SLC26A7: variants seen among roughly 807,000 people sequenced by gnomAD.
SLC26A7 encodes solute carrier family 26 member 7, also known as anion exchange transporter.
A neutral mutation model predicts 82.5 loss-of-function variants in SLC26A7; 59 were observed. The ratio of observed to expected loss-of-function variants is 0.72; its 90% confidence interval spans 0.58 to 0.89. The LOEUF (loss-of-function observed/expected upper bound fraction) is 0.89. Ranked by LOEUF, SLC26A7 falls within the 40% of genes least tolerant of loss-of-function variation. SLC26A7 has a pLI of 0.00. For synonymous variants in SLC26A7, 271 were observed against 274.3 expected, an observed-to-expected ratio of 0.99 and a Z score of 0.12; for missense variants, 820 against 793.0, an observed-to-expected ratio of 1.03 and a Z score of -0.41.
At chr8:91,277,056 T>G (rs536525685) in intron 2 of SLC26A7, among the ~76,000 whole-genome samples, 1 of 152,332 alleles carries the variant, frequency 6.6e-6, no homozygotes, top group African/African-American at 2.4e-5. Context: ...CTCTTTTCCC[T>G]TGCTTTCCTT....
chr8:91,274,756 T>C (rs1811362832), intron 2 of SLC26A7, among the ~76,000 whole-genome samples: 1 of 152,222 alleles, frequency 6.6e-6, no homozygotes, highest in African/African-American at 2.4e-5. Context: ...GAATTAAGCA[T>C]ACAAAGTGCT....
chr8:91,210,810 G>A (rs1192782021), intron 1 of SLC26A7, among the ~76,000 whole-genome samples: 1 of 149,080 alleles, frequency 6.7e-6, no homozygotes, highest in Non-Finnish European at 1.5e-5. Flanking sequence ...CATTAGCTAG[G>A]ATCTACACCC....
At chr8:91,272,767 G>T (rs1468243826) in intron 2 of SLC26A7, among the ~76,000 whole-genome samples, 3 of 152,208 alleles carry the variant, frequency 2.0e-5, no homozygotes, top group African/African-American at 4.8e-5. Flanking sequence ...AGAAGGCGAT[G>T]GAGAGCCATT....
At position 91,363,457 on chromosome 8, in the gene SLC26A7, C is replaced by G. The variant is rs374216208; in HGVS notation, c.1422-15C>G. On this transcript the variant is annotated splice_polypyrimidine_tract_variant and intron_variant, in intron 12 of 18. Transcript: ENST00000276609. Reference sequence around the variant, plus strand: ...GGAAATGACTTGTTTTATTTTCTATCTGCTTTAATTTCAGAGCAATGACTG... The same window carrying G: ...GGAAATGACTTGTTTTATTTTCTATGTGCTTTAATTTCAGAGCAATGACTG... 1 of 1,440,606 alleles carries G rather than the reference C, an allele frequency of 6.9e-7. No individual in the cohort carries two copies. Among genetic ancestry groups the G allele is most frequent in the Non-Finnish European group, 9.5e-7 (1 of 1,048,812 alleles). 89.2% of individuals were successfully genotyped at this position (1,440,606 alleles called of 1,614,324 possible).
At chr8:91,324,847 A>T (rs1812891785) in intron 5 of SLC26A7, among the ~76,000 whole-genome samples, 1 of 152,146 alleles carries the variant, frequency 6.6e-6, no homozygotes, top group Non-Finnish European at 1.5e-5. Context: ...TTTTGAATGG[A>T]GGCTAGAAAG....
intron 2 of SLC26A7, among the ~76,000 whole-genome samples, chr8:91,221,415 A>G (rs1490139599): frequency 3.3e-5 from 5 of 152,198 alleles, no homozygotes. Context: ...TTGTTGCAGT[A>G]GCTTATGTCA....
At chr8:91,322,799 C>T (rs530790445) in intron 5 of SLC26A7, among the ~76,000 whole-genome samples, 48 of 152,202 alleles carry the variant, frequency 3.2e-4, no homozygotes, top group African/African-American at 1.1e-3. Context: ...ATTCAGCCAT[C>T]CTTCTTGGAA....
chr8:91,328,594 T>C (rs1398588399), intron 5 of SLC26A7, among the ~76,000 whole-genome samples: 1 of 152,130 alleles, frequency 6.6e-6, no homozygotes, highest in Non-Finnish European at 1.5e-5. Flanking sequence ...ATTGTTACTA[T>C]TACTATGCTA....
At chr8:91,373,428 G>A (rs115875725) in intron 15 of SLC26A7, among the ~76,000 whole-genome samples, 2,206 of 151,794 alleles carry the variant, frequency 0.015, 47 homozygotes, top group African/African-American at 0.05. Context: ...GGTTTGTGTC[G>A]TGAAGGGATG....
intron 2 of SLC26A7, among the ~76,000 whole-genome samples, chr8:91,241,836 G>T (rs1352262302): frequency 6.6e-6 from 1 of 152,108 alleles, no homozygotes; most frequent in Non-Finnish European, 1.5e-5. Context: ...CTATAAAAAT[G>T]ATTTTCACAT....
intron 15 of SLC26A7, among the ~76,000 whole-genome samples, chr8:91,370,717 T>G (rs1814333881): frequency 6.6e-6 from 1 of 151,990 alleles, no homozygotes; most frequent in Non-Finnish European, 1.5e-5. Context: ...TGAGAAGTGT[T>G]GTGATATTAT....
intron 15 of SLC26A7, among the ~76,000 whole-genome samples, chr8:91,382,059 T>C (rs997479150): frequency 1.3e-5 from 2 of 152,156 alleles, no homozygotes; most frequent in Admixed American, 1.3e-4. Flanking sequence ...GGCATTTTTT[T>C]CCTATGAGTC....
chr8:91,244,301 T>A (rs1810514509), intron 2 of SLC26A7, among the ~76,000 whole-genome samples: 1 of 152,122 alleles, frequency 6.6e-6, no homozygotes, highest in African/African-American at 2.4e-5. Flanking sequence ...TTGCCTTGCC[T>A]TTTCTTCTCT....
chr8:91,316,975 G>A (rs546305886), intron 4 of SLC26A7, among the ~76,000 whole-genome samples: 1 of 107,592 alleles, frequency 9.3e-6, no homozygotes, highest in Non-Finnish European at 1.7e-5. Context: ...GCAACACAGT[G>A]AGACCCTGTC....
chr8:91,240,864 G>A (rs1454612958), intron 2 of SLC26A7, among the ~76,000 whole-genome samples: 1 of 152,138 alleles, frequency 6.6e-6, no homozygotes, highest in Non-Finnish European at 1.5e-5. Flanking sequence ...AGTAAGTGTT[G>A]TGGAAGTCAA....
At chr8:91,214,384 A>G (rs1372358842) in intron 1 of SLC26A7, among the ~76,000 whole-genome samples, 2 of 152,174 alleles carry the variant, frequency 1.3e-5, no homozygotes, top group Non-Finnish European at 2.9e-5. Flanking sequence ...GAAAAGAAAT[A>G]TACTTCTTCA....
upstream of SLC26A7, among the ~76,000 whole-genome samples, chr8:91,246,275 A>G (rs1181297459): frequency 6.6e-6 from 1 of 152,226 alleles, no homozygotes; most frequent in Admixed American, 6.5e-5. Context: ...TCTAAAAAAG[A>G]AGCAAAGCAA....
intron 9 of SLC26A7, among the ~76,000 whole-genome samples, chr8:91,344,935 T>C (rs1399581973): frequency 1.3e-5 from 2 of 151,520 alleles, no homozygotes; most frequent in East Asian, 1.9e-4. Flanking sequence ...CTATAGCAGT[T>C]TTTTTTTTCT....
intron 2 of SLC26A7, among the ~76,000 whole-genome samples, chr8:91,270,693 C>T (rs957390832): frequency 1.3e-5 from 2 of 152,174 alleles, no homozygotes; most frequent in Admixed American, 6.5e-5. Flanking sequence ...AGGGATATCT[C>T]TTACAGAGGA....
Sources: allele counts gnomAD v4.1 joint callset (sites outside exome capture counted in the v4.1 genomes callset), GRCh38; gene constraint gnomAD v4.1.1; transcripts MANE v1.5; gene names NCBI Gene and HGNC (gene_info 2026-07-23, HGNC 2026-07-21).